The following THRB variants were observed in gnomAD, a reference collection of about 807,000 sequenced individuals.
The protein encoded by THRB is nuclear receptor subfamily 1 group A member 2.
THRB carries 12 observed loss-of-function variants against 47.8 expected under a neutral mutation model. The observed-to-expected ratio is 0.25, with a 90% CI of 0.16 to 0.41. The LOEUF (loss-of-function observed/expected upper bound fraction) is 0.41, where lower values mean the gene tolerates loss of function less well. Ranked by LOEUF, THRB falls within the 10% of genes least tolerant of loss-of-function variation. The pLI is 1.00. For missense variants in THRB, 348 were observed against 589.2 expected, an observed-to-expected ratio of 0.59 and a Z score of 4.24; for synonymous variants, 218 against 212.2, an observed-to-expected ratio of 1.03 and a Z score of -0.24.
chr3:24,470,274 A>T (rs755762148), intron 1 of THRB, among the ~76,000 whole-genome samples: 2 of 152,232 alleles, frequency 1.3e-5, no homozygotes, highest in Non-Finnish European at 2.9e-5. Context: ...AGATGAAGGG[A>T]CTGAGTCACA....
At chr3:24,126,666 A>G (rs1348656580) in intron 10 of THRB, among the ~76,000 whole-genome samples, 4 of 152,124 alleles carry the variant, frequency 2.6e-5, no homozygotes, top group Non-Finnish European at 5.9e-5. Context: ...GTGCCCTGAA[A>G]ATGCAGAGGA....
intron 1 of THRB, among the ~76,000 whole-genome samples, chr3:24,366,535 C>T (rs569375903): frequency 3.3e-5 from 5 of 152,116 alleles, no homozygotes; most frequent in South Asian, 2.1e-4. Context: ...TTTAAGGATC[C>T]GGAAGTCAAG....
chr3:24,173,729 G>A (rs145886102), intron 5 of THRB, among the ~76,000 whole-genome samples: 2 of 152,222 alleles, frequency 1.3e-5, no homozygotes, highest in African/African-American at 4.8e-5. Context: ...TTTTACAATT[G>A]GCCATAACTT....
At chr3:24,491,735 C>T (rs1698170493) in intron 1 of THRB, among the ~76,000 whole-genome samples, 1 of 152,222 alleles carries the variant, frequency 6.6e-6, no homozygotes, top group Non-Finnish European at 1.5e-5. Flanking sequence ...AGTGAGAAGA[C>T]ACTGCCATCA....
chr3:24,134,182 G>T (rs1187279514), intron 8 of THRB, among the ~76,000 whole-genome samples: 2 of 152,114 alleles, frequency 1.3e-5, no homozygotes, highest in African/African-American at 4.8e-5. Context: ...TGTCACCAGG[G>T]GACTTCTTCT....
chr3:24,193,002 CAAG>C (rs1348695658), intron 4 of THRB, among the ~76,000 whole-genome samples: 1 of 152,096 alleles, frequency 6.6e-6, no homozygotes, highest in Non-Finnish European at 1.5e-5. Context: ...CTGATCCTCG[CAAG>C]AACAGAGGGG....
intron 2 of THRB, among the ~76,000 whole-genome samples, chr3:24,310,484 C>T (rs534045981): frequency 6.6e-6 from 1 of 152,326 alleles, no homozygotes; most frequent in East Asian, 1.9e-4. Context: ...CAGTGTGCAT[C>T]AGAATAATCT....
intron 5 of THRB, among the ~76,000 whole-genome samples, chr3:24,166,771 C>T (rs754048204): frequency 6.6e-5 from 10 of 152,052 alleles, no homozygotes; most frequent in Non-Finnish European, 1.2e-4. Context: ...AGCATGTGAC[C>T]TTGTTGGTAT....
At chr3:24,220,339 A>C (rs1200107569) in intron 4 of THRB, among the ~76,000 whole-genome samples, 1 of 152,006 alleles carries the variant, frequency 6.6e-6, no homozygotes, top group Non-Finnish European at 1.5e-5. Context: ...AAAAATACAA[A>C]AATTAGCTAG....
chr3:24,471,961 G>C (rs748441234), intron 1 of THRB, among the ~76,000 whole-genome samples: 1 of 152,132 alleles, frequency 6.6e-6, no homozygotes, highest in East Asian at 1.9e-4. Context: ...AATATGGCCT[G>C]GAAGCCAGGC....
intron 3 of THRB, 65 bp from the exon 4 acceptor site, chr3:24,229,066 C>A: frequency 1.0e-6 from 1 of 1,001,452 alleles, no homozygotes; most frequent in Non-Finnish European, 1.6e-6. Context: ...TGGTTTTGTT[C>A]CAAACAATAT....
chr3:24,447,533 A>C (rs2072218445), intron 1 of THRB, among the ~76,000 whole-genome samples: 1 of 152,066 alleles, frequency 6.6e-6, no homozygotes, highest in African/African-American at 2.4e-5. Flanking sequence ...CCAGCTGTTC[A>C]TTTTCATGAT....
In THRB at chr3:24,118,973, GTTTTTTTTTTTTTTT is replaced by G. The variant is rs559325556; in HGVS notation, c.*3896_*3910del. 2.4e-4 allele frequency: 12 copies of G among 49,532 alleles called. No individual in the cohort carries two copies. Among genetic ancestry groups the G allele is most frequent in the East Asian group, 8.5e-4 (1 of 1,180 alleles). The allele number at this position is 49,532 out of a possible 1,614,324, so 3.1% of individuals were successfully genotyped here. A position where few individuals can be genotyped will look rare whatever the true frequency, so the allele number is the denominator to read the frequency against. The stretch of plus-strand genomic sequence containing the variant: ...GCCAAACCTTTTTTCCCCCAGTCTG[GTTTTTTTTTTTTTTT>G]TTTTTTTTTTTTTTTGAGTGTGTTT... On this transcript the variant is annotated 3_prime_UTR_variant, in exon 11 of 11. Coordinates refer to ENST00000646209, the MANE Select transcript of THRB (RefSeq NM_001354712.2).
At chr3:24,155,981 T>A (rs1232972615) in intron 5 of THRB, among the ~76,000 whole-genome samples, 1 of 152,254 alleles carries the variant, frequency 6.6e-6, no homozygotes, top group East Asian at 1.9e-4. Flanking sequence ...TCTGCTCAGA[T>A]GTATTATTTT....
intron 1 of THRB, among the ~76,000 whole-genome samples, chr3:24,353,271 G>C (rs982302698): frequency 6.7e-6 from 1 of 149,772 alleles, no homozygotes; most frequent in South Asian, 2.1e-4. Context: ...TAAAGGTTTA[G>C]ATAGCCTACA....
intron 4 of THRB, among the ~76,000 whole-genome samples, chr3:24,210,221 T>C (rs1209348685): frequency 6.6e-6 from 1 of 152,136 alleles, no homozygotes; most frequent in Non-Finnish European, 1.5e-5. Context: ...CAGGACACAT[T>C]TACCTAGAAA....
chr3:24,355,286 C>T (rs2063603813), intron 1 of THRB, among the ~76,000 whole-genome samples: 1 of 152,020 alleles, frequency 6.6e-6, no homozygotes, highest in African/African-American at 2.4e-5. Flanking sequence ...TGGCTTGTAT[C>T]CTCCAAAAAT....
intron 1 of THRB, among the ~76,000 whole-genome samples, chr3:24,445,830 G>A (rs1192904502): frequency 6.6e-6 from 1 of 152,124 alleles, no homozygotes; most frequent in Non-Finnish European, 1.5e-5. Context: ...TTCATTCTAG[G>A]CAGAAGCATA....
intron 1 of THRB, among the ~76,000 whole-genome samples, chr3:24,393,543 C>T (rs1339335743): frequency 6.6e-6 from 1 of 152,106 alleles, no homozygotes; most frequent in East Asian, 1.9e-4. Flanking sequence ...ACAATACATT[C>T]CATTGCTTAA....
Sources: allele counts gnomAD v4.1 joint callset (sites outside exome capture counted in the v4.1 genomes callset), GRCh38; gene constraint gnomAD v4.1.1; transcripts MANE v1.5; gene names NCBI Gene and HGNC (gene_info 2026-07-23, HGNC 2026-07-21).